Variants in DSC3 observed in about 807,000 individuals in gnomAD.
The protein encoded by DSC3 is desmocollin 3.
In DSC3, 97 loss-of-function variants were observed where a neutral mutation model predicts 89.5. The observed-to-expected ratio is 1.08, with a 90% CI of 0.92 to 1.28. The LOEUF is 1.28. Among genes scored for constraint, DSC3 ranks in the 50% most tolerant of loss-of-function variants. The probability of loss-of-function intolerance (pLI) is 0.00; values close to 1 mark genes in which losing one functional copy is unlikely to be tolerated. For missense variants in DSC3, 1,199 were observed against 1,085.3 expected (o/e 1.10, Z -1.47); for synonymous variants, 436 against 384.1 (o/e 1.14, Z -1.58).
At position 31,025,959 on chromosome 18, in the gene DSC3, C is replaced by G. The variant is rs773235933; in HGVS notation, c.475-44G>C. On this transcript the variant is annotated intron_variant, in intron 4 of 15. Coordinates refer to ENST00000360428, the MANE Select transcript of DSC3 (RefSeq NM_001941.5). ...TATGCAAAAAAATTAAAACTAAATT[C>G]AGTTACAATATTTTTTAAATGCAGC... The G allele has an allele frequency of 1.9e-6, 3 of 1,548,540 alleles. No homozygotes were observed. In the Admixed American group the frequency reaches 5.2e-5, roughly 27 times the overall value.
rs148616342 is a variant in DSC3, at chr18:31,040,117, GC to G, written c.69+2474del. On this transcript the variant is annotated intron_variant, in intron 1 of 15. Transcript: ENST00000360428. ...GGATGCCTATTTATCAACATAGGTT[GC>G]AGGCAGAGTTCATATACTCCAAAGA... 2.7e-3 allele frequency among the ~76,000 whole-genome samples: 413 copies of G among 152,176 alleles called. 7 individuals are homozygous for G. Among genetic ancestry groups the G allele is most frequent in the African/African-American group, 9.4e-3 (391 of 41,514 alleles).
chr18:31,012,707 G>A (rs1317002121), intron 9 of DSC3, among the ~76,000 whole-genome samples: 13 of 151,766 alleles, frequency 8.6e-5, no homozygotes, highest in African/African-American at 2.7e-4. Context: ...TTCAGAGATG[G>A]AAAAAAAGAA....
rs751060254 is a variant in DSC3 at position 31,004,313 on chromosome 18, T to C, written c.1942A>G (p.Ile648Val). The change falls in exon 13 of 16, where the codon ATT (isoleucine) becomes GTT (valine). Residue 648 changes from isoleucine to valine, a missense_variant. Transcript: ENST00000360428. ...QKNAGFQEYT[I>V]PITVKDRAGQ... ...GCCCTGTCTTTTACAGTAATAGGAA[T>C]GGTATATTCTTGAAATCCAGCATTT... 46 of 1,613,870 alleles carry C rather than the reference T, an allele frequency of 2.9e-5. No individual in the cohort carries two copies. Among genetic ancestry groups the C allele is most frequent in the Non-Finnish European group, 3.6e-5 (43 of 1,179,936 alleles).
At chr18:31,006,292 G>T (rs1272063271) in intron 12 of DSC3, among the ~76,000 whole-genome samples, 3 of 149,780 alleles carry the variant, frequency 2.0e-5, no homozygotes, top group Non-Finnish European at 4.4e-5. Flanking sequence ...CACCTCGCTG[G>T]TATTATTATT....
chr18:31,029,971 A>G (rs779648377), intron 3 of DSC3, among the ~76,000 whole-genome samples: 4 of 152,206 alleles, frequency 2.6e-5, no homozygotes, highest in Non-Finnish European at 5.9e-5. Flanking sequence ...ATCTCCAGAT[A>G]GCACTTACTT....
chr18:30,994,594 T>G, intron 15 of DSC3: 2 of 930,802 alleles, frequency 2.1e-6, no homozygotes, highest in Admixed American at 4.4e-5. Flanking sequence ...TAAAAAATTA[T>G]GTATACAAGT....
At position 31,022,301 on chromosome 18, in the gene DSC3, C is replaced by T. The variant is rs374772347; in HGVS notation, c.942+35G>A. ...AAATGGGGGAGGGAAGCTTAATCCT[C>T]AGCGAAATGAAATTCTATGGAGTGT... On this transcript the variant is annotated intron_variant, in intron 7 of 15. Transcript: ENST00000360428. 7.4e-6 allele frequency: 12 copies of T among 1,613,286 alleles called. No individual in the cohort carries two copies. The African/African-American group carries it at 1.2e-4, about 16-fold the overall frequency.
At chr18:31,016,686 A>T (rs1008770330) in intron 9 of DSC3, among the ~76,000 whole-genome samples, 20 of 152,162 alleles carry the variant, frequency 1.3e-4, no homozygotes, top group Non-Finnish European at 2.1e-4. Context: ...GGCACAGCCC[A>T]ATCCAGAAGT....
chr18:31,018,665 C>A lies in DSC3; in HGVS notation c.1077+1G>T. ...GGCAGATTTTGATATTATATACTTA[C>A]AGCATTTTGTCTGAAAGTGGGTGCA... On this transcript the variant is annotated splice_donor_variant, in intron 8 of 15. Transcript: ENST00000360428. LOFTEE classifies it high-confidence loss of function. The A allele has an allele frequency of 1.2e-6, 2 of 1,612,454 alleles. No homozygotes were observed. Among genetic ancestry groups the A allele is most frequent in the Non-Finnish European group, 1.7e-6 (2 of 1,179,688 alleles).
intron 7 of DSC3, among the ~76,000 whole-genome samples, chr18:31,021,266 T>A: frequency 6.6e-6 from 1 of 152,122 alleles, no homozygotes; most frequent in East Asian, 1.9e-4. Flanking sequence ...CTAAAACCTG[T>A]TAACTTGCAA....
rs138921206 is a variant in DSC3 at position 31,003,520 on chromosome 18, C to T, written c.2113+622G>A. Among the ~76,000 whole-genome samples the T allele has an allele frequency of 3.2e-3, 492 of 152,274 alleles. 7 individuals carry two copies. The highest frequency in any genetic ancestry group is 0.011 in the African/African-American group (456 of 41,552). ...TGCTACACCATATGGTAGGCTACTA[C>T]AGTTATTCCTTTTACAGTGAGGAAA... On this transcript the variant is annotated intron_variant, in intron 13 of 15. Coordinates refer to ENST00000360428, the MANE Select transcript of DSC3 (RefSeq NM_001941.5).
At position 31,032,133 on chromosome 18, in the gene DSC3, C is replaced by A. The variant is rs77711499; in HGVS notation, c.154+59G>T. ...CAAAAGGCAAAGGTATTATATCATGCTCTTTCCAGCCTATGTAAACTAAAT... is the reference window on the plus strand; with the variant it reads ...CAAAAGGCAAAGGTATTATATCATGATCTTTCCAGCCTATGTAAACTAAAT... On this transcript the variant is annotated intron_variant, in intron 2 of 15. Coordinates refer to ENST00000360428, the MANE Select transcript of DSC3 (RefSeq NM_001941.5). The A allele has an allele frequency of 1.8e-3, 2,186 of 1,215,420 alleles. 38 individuals are homozygous for A. In the African/African-American group the frequency reaches 0.03, roughly 17 times the overall value. The allele number at this position is 1,215,420 out of a possible 1,614,324, so 75.3% of individuals were successfully genotyped here. A position where few individuals can be genotyped will look rare whatever the true frequency, so the allele number is the denominator to read the frequency against.
chr18:31,031,392 A>T (rs959959290), intron 2 of DSC3, among the ~76,000 whole-genome samples: 1 of 152,210 alleles, frequency 6.6e-6, no homozygotes, highest in Non-Finnish European at 1.5e-5. Context: ...CTATTAAATA[A>T]GGTGTTTTAA....
chr18:30,994,870 A>T (rs1450500379), intron 15 of DSC3, among the ~76,000 whole-genome samples: 2 of 152,218 alleles, frequency 1.3e-5, no homozygotes, highest in African/African-American at 4.8e-5. Flanking sequence ...GACGCATAAT[A>T]CACTTATTAT....
chr18:31,025,684 A>G, intron 5 of DSC3, 76 bp downstream of exon 5: 1 of 1,452,718 alleles, frequency 6.9e-7, no homozygotes, highest in South Asian at 1.1e-5. Context: ...AGGAGAGAGG[A>G]AAGAGTAGCT....
chr18:31,002,839 G>A (rs1317092122), intron 13 of DSC3, among the ~76,000 whole-genome samples: 3 of 152,160 alleles, frequency 2.0e-5, no homozygotes, highest in East Asian at 3.9e-4. Context: ...ACTGTTTGAA[G>A]GACAGATTTG....
intron 1 of DSC3, among the ~76,000 whole-genome samples, chr18:31,036,206 C>G (rs1407797167): frequency 6.6e-6 from 1 of 152,168 alleles, no homozygotes; most frequent in Non-Finnish European, 1.5e-5. Flanking sequence ...TATTAAATCT[C>G]TCTATTTCCC....
intron 4 of DSC3, among the ~76,000 whole-genome samples, chr18:31,029,277 G>A (rs1985700007): frequency 6.6e-6 from 1 of 152,158 alleles, no homozygotes; most frequent in Non-Finnish European, 1.5e-5. Context: ...TAAGTGCTCA[G>A]TAACTCCCTG....
chr18:31,000,073 G>T (rs1984601524), intron 14 of DSC3, among the ~76,000 whole-genome samples: 1 of 151,956 alleles, frequency 6.6e-6, no homozygotes, highest in Non-Finnish European at 1.5e-5. Context: ...ATCATCACAG[G>T]TTTCTACATG....
Sources: gnomAD v4.1 joint callset for allele counts (sites outside exome capture counted in the v4.1 genomes callset) on GRCh38, gnomAD v4.1.1 for gene constraint, MANE v1.5 for transcripts, NCBI Gene and HGNC (gene_info 2026-07-23, HGNC 2026-07-21) for gene names.